Variants in PCDHGA1 observed in about 807,000 individuals in gnomAD.
PCDHGA1 encodes the protein protocadherin gamma-A1.
A neutral mutation model predicts 58.0 loss-of-function variants in PCDHGA1; 32 were observed. That is an observed-to-expected ratio of 0.55 (90% CI 0.42 to 0.74). The LOEUF (loss-of-function observed/expected upper bound fraction) is 0.74. Among genes scored for constraint, PCDHGA1 ranks in the 30% least tolerant of loss-of-function variants. The probability of loss-of-function intolerance (pLI) is 0.00; values close to 1 mark genes in which losing one functional copy is unlikely to be tolerated. For synonymous variants in PCDHGA1, 498 were observed against 501.1 expected (o/e 0.99, Z 0.08); for missense variants, 1,205 against 1,182.3 (o/e 1.02, Z -0.28).
chr5:141,422,670 C>CA (rs754910458), intron 1 of PCDHGA1: 6 of 1,607,126 alleles, frequency 3.7e-6, no homozygotes, highest in Non-Finnish European at 1.7e-6. Flanking sequence ...TCGACCCGGA[C>CA]AGCAAACAGA....
chr5:141,418,085 A>C lies in PCDHGA1; in HGVS notation c.2422-76722A>C, dbSNP rs1235378254. On this transcript the variant is annotated intron_variant, in intron 1 of 3. Transcript: ENST00000517417. The stretch of plus-strand genomic sequence containing the variant: ...AGTGAGCGCGGAGAAGCTGCACTTC[A>C]GCGTAGACGCGCAGAGCGGGGACTT... The C allele has an allele frequency of 2.5e-6, 4 of 1,613,936 alleles. No homozygotes were observed. The highest frequency in any genetic ancestry group is 3.4e-6 in the Non-Finnish European group (4 of 1,179,908).
intron 1 of PCDHGA1, among the ~76,000 whole-genome samples, chr5:141,335,996 C>T (rs1297208419): frequency 6.6e-6 from 1 of 151,932 alleles, no homozygotes; most frequent in African/African-American, 2.4e-5. Context: ...TTTTTAAAAG[C>T]AAACAAAATT....
chr5:141,494,812 C>G lies in PCDHGA1; in HGVS notation c.2427C>G (p.Ala809=). The part of the protein sequence containing the change: ...EDKKEPFSQQ[A]PPNTDWRFSQ... ...TCCCTCTGTTTTCTCCACAGCAAGCCCCGCCCAACACGGACTGGCGTTTCT... is the reference window on the plus strand; with the variant it reads ...TCCCTCTGTTTTCTCCACAGCAAGCGCCGCCCAACACGGACTGGCGTTTCT... The change falls in exon 2 of 4, where the codon GCC becomes GCG. Residue 809 remains alanine, a synonymous_variant. Coordinates refer to ENST00000517417, the MANE Select transcript of PCDHGA1 (RefSeq NM_018912.3). 4 of 1,614,146 alleles carry G rather than the reference C, an allele frequency of 2.5e-6. No homozygotes were observed. The highest frequency in any genetic ancestry group is 3.4e-6 in the Non-Finnish European group (4 of 1,180,016).
At chr5:141,482,530 C>CAAAAAAAAAAAAAAA (rs3074545) in intron 1 of PCDHGA1, among the ~76,000 whole-genome samples, 1 of 76,562 alleles carries the variant, frequency 1.3e-5, no homozygotes, top group African/African-American at 4.8e-5. Flanking sequence ...GACAGACATG[C>CAAAAAAAAAAAAAAA]AAAAAAAAAA....
chr5:141,419,259 C>A (rs765877993), intron 1 of PCDHGA1: 11 of 1,614,016 alleles, frequency 6.8e-6, no homozygotes, highest in Non-Finnish European at 9.3e-6. Flanking sequence ...AACAACCAGC[C>A]GGGTGCCTCC....
Position 141,485,730 on chromosome 5 carries a change from G to A in PCDHGA1, c.2422-9077G>A. On this transcript the variant is annotated intron_variant, in intron 1 of 3. Coordinates refer to ENST00000517417, the MANE Select transcript of PCDHGA1 (RefSeq NM_018912.3). This position sits in a 1 kb window ranked among gnomAD's most constrained non-coding sequence, Gnocchi z 5.7. ...TTTGCACTGGATGTGAAGAAGCGCA[G>A]CGACGGCAGCCTGGTCCCAGAGCTG... is the stretch of plus-strand genomic sequence containing the variant. 1 of 1,614,200 alleles carries A rather than the reference G, an allele frequency of 6.2e-7. No individual in the cohort carries two copies. Among genetic ancestry groups the A allele is most frequent in the Non-Finnish European group, 8.5e-7 (1 of 1,180,024 alleles).
intron 1 of PCDHGA1, chr5:141,339,735 C>T (rs754938154): frequency 8.7e-6 from 14 of 1,613,980 alleles, no homozygotes; most frequent in South Asian, 2.2e-5. Context: ...CCGGAGAATA[C>T]GCTCGTGGGC....
intron 1 of PCDHGA1, chr5:141,351,744 G>C (rs1052633370): frequency 5.0e-6 from 8 of 1,613,526 alleles, no homozygotes; most frequent in South Asian, 1.1e-5. Context: ...CTGGAGCCGC[G>C]GGAGCTGTTG....
At chr5:141,384,012 A>G in intron 1 of PCDHGA1, 1 of 1,613,830 alleles carries the variant, frequency 6.2e-7, no homozygotes, top group Non-Finnish European at 8.5e-7. Flanking sequence ...TTTTCTACCT[A>G]CAAGACAGAG....
intron 1 of PCDHGA1, chr5:141,352,628 G>A (rs1243952767): frequency 2.5e-6 from 4 of 1,611,516 alleles, no homozygotes; most frequent in East Asian, 2.2e-5. Flanking sequence ...TGCCAGTAAT[G>A]AAGATCACAA....
In PCDHGA1 at chr5:141,412,148, C is replaced by T. The variant is rs183538712; in HGVS notation, c.2421+79043C>T. ...GGACTTTGGCCTCTGATACAAACTG[C>T]CTAAGAGAAGAGATTATTTATACTG... On this transcript the variant is annotated intron_variant, in intron 1 of 3. Coordinates refer to ENST00000517417, the MANE Select transcript of PCDHGA1 (RefSeq NM_018912.3). The T allele has an allele frequency of 3.1e-4, 47 of 152,220 alleles. 2 individuals carry two copies. The highest frequency in any genetic ancestry group is 1.1e-3 in the African/African-American group (45 of 41,552). The allele number at this position is 152,220 out of a possible 1,614,324, so 9.4% of individuals were successfully genotyped here.
chr5:141,436,095 GA>G (rs2097795730), intron 1 of PCDHGA1, among the ~76,000 whole-genome samples: 2 of 152,112 alleles, frequency 1.3e-5, no homozygotes, highest in Non-Finnish European at 2.9e-5. Context: ...AATATTGAGA[GA>G]AATAGAGGAC....
At chr5:141,409,351 G>A (rs756967611) in intron 1 of PCDHGA1, 7 of 1,613,982 alleles carry the variant, frequency 4.3e-6, no homozygotes, top group Non-Finnish European at 5.9e-6. Flanking sequence ...GAGAAGTCAG[G>A]TGTAATATAG....
In PCDHGA1 at chr5:141,331,048, G is replaced by C. The variant is rs747495549; in HGVS notation, c.364G>C (p.Glu122Gln). Reference protein sequence around the residue: ...DKMKLFPVEVEIIDINDNTPQ... With the variant: ...DKMKLFPVEVQIIDINDNTPQ... ...AATGAAGCTTTTTCCTGTTGAAGTAGAAATAATTGATATTAATGACAACAC... is the reference window on the plus strand; with the variant it reads ...AATGAAGCTTTTTCCTGTTGAAGTACAAATAATTGATATTAATGACAACAC... Residue 122 changes from glutamate to glutamine, a missense_variant, in exon 1 of 4, where the codon GAA (glutamate) becomes CAA (glutamine). Coordinates refer to ENST00000517417, the MANE Select transcript of PCDHGA1 (RefSeq NM_018912.3). The C allele has an allele frequency of 6.2e-7, 1 of 1,604,910 alleles. No homozygotes were observed. Among genetic ancestry groups the C allele is most frequent in the Admixed American group, 1.7e-5 (1 of 59,634 alleles).
intron 1 of PCDHGA1, chr5:141,405,626 C>G (rs1329214735): frequency 3.7e-6 from 2 of 538,556 alleles, no homozygotes; most frequent in South Asian, 5.3e-5. Context: ...AGGCACGTGC[C>G]ACCACGCCCG....
chr5:141,409,259 T>C lies in PCDHGA1; in HGVS notation c.2421+76154T>C, dbSNP rs370130162. ...CCCAGAAATAATCATCACTTCTCTC[T>C]CTGATCAGATTTTGGAGAATTCACC... is the stretch of plus-strand genomic sequence containing the variant. On this transcript the variant is annotated intron_variant, in intron 1 of 3. Coordinates refer to ENST00000517417, the MANE Select transcript of PCDHGA1 (RefSeq NM_018912.3). The C allele has an allele frequency of 1.9e-6, 3 of 1,614,012 alleles. No individual in the cohort carries two copies. Among genetic ancestry groups the C allele is most frequent in the South Asian group, 2.2e-5 (2 of 91,082 alleles).
chr5:141,489,427 C>G lies in PCDHGA1; in HGVS notation c.2422-5380C>G, dbSNP rs370540900. ...AAAGATGACAGATCTGTTGAGCCGG[C>G]GGCTGCAATTGGGCTCTGAGGAGAA... On this transcript the variant is annotated intron_variant, in intron 1 of 3. Transcript: ENST00000517417. The surrounding 1 kb of genome is among the most constrained non-coding windows in gnomAD (Gnocchi z 4.5). 6.2e-7 allele frequency: 1 copy of G among 1,614,108 alleles called. No homozygotes were observed. Among genetic ancestry groups the G allele is most frequent in the South Asian group, 1.1e-5 (1 of 91,086 alleles).
chr5:141,338,133 T>C (rs1756730105), intron 1 of PCDHGA1, among the ~76,000 whole-genome samples: 1 of 152,202 alleles, frequency 6.6e-6, no homozygotes, highest in African/African-American at 2.4e-5. Flanking sequence ...TCACCCAGTG[T>C]TTCCTACCTC....
Position 141,476,656 on chromosome 5 carries a change from T to G in PCDHGA1, c.2422-18151T>G, listed in dbSNP as rs190269177. On this transcript the variant is annotated intron_variant, in intron 1 of 3. Transcript: ENST00000517417. The surrounding 1 kb of genome is among the most constrained non-coding windows in gnomAD (Gnocchi z 7.6). ...ATGAGCTGAGCCGAAATGAATACTTTGCGCTTCGCGTGCAGACGCGGGAGG... is the reference window on the plus strand; with the variant it reads ...ATGAGCTGAGCCGAAATGAATACTTGGCGCTTCGCGTGCAGACGCGGGAGG... The G allele has an allele frequency of 1.2e-6, 2 of 1,614,210 alleles. No individual in the cohort carries two copies. The highest frequency in any genetic ancestry group is 1.7e-6 in the Non-Finnish European group (2 of 1,180,044).
Sources: gnomAD v4.1 joint callset for allele counts (sites outside exome capture counted in the v4.1 genomes callset) on GRCh38, gnomAD v4.1.1 for gene constraint, Gnocchi (gnomAD v3.1) non-coding constraint, MANE v1.5 for transcripts, NCBI Gene and HGNC (gene_info 2026-07-23, HGNC 2026-07-21) for gene names.